The following TAFA2 variants were observed in gnomAD, a reference collection of about 807,000 sequenced individuals.
TAFA2 encodes TAFA chemokine like family member 2.
TAFA2 carries 7 observed loss-of-function variants against 18.8 expected under a neutral mutation model. The ratio of observed to expected loss-of-function variants is 0.37; its 90% confidence interval spans 0.21 to 0.70. The LOEUF is 0.70. TAFA2 is among the 30% of genes least tolerant of loss of function. TAFA2 has a pLI of 0.53. For synonymous variants in TAFA2, 60 were observed against 54.2 expected (o/e 1.11, Z -0.47); for missense variants, 122 against 158.1 (o/e 0.77, Z 1.23).
At chr12:61,864,217 G>A (rs1385693120) in intron 2 of TAFA2, among the ~76,000 whole-genome samples, 2 of 151,844 alleles carry the variant, frequency 1.3e-5, no homozygotes, top group African/African-American at 4.8e-5. Context: ...ATGAACATCA[G>A]CTCACAAAAT....
At chr12:61,847,537 C>T (rs186586691) in intron 2 of TAFA2, among the ~76,000 whole-genome samples, 171 of 152,130 alleles carry the variant, frequency 1.1e-3, no homozygotes, top group African/African-American at 3.9e-3. Context: ...ATGAAAAATG[C>T]GTGAGAGAAT....
chr12:62,148,121 C>A (rs2062300771), intron 1 of TAFA2, among the ~76,000 whole-genome samples: 2 of 152,100 alleles, frequency 1.3e-5, no homozygotes, highest in Admixed American at 1.3e-4. Context: ...GGTGGGAATG[C>A]AAATTATTAA....
At position 62,140,800 on chromosome 12, in the gene TAFA2, A is replaced by G. The variant is rs78359223; in HGVS notation, c.-2+50459T>C. On this transcript the variant is annotated intron_variant, in intron 1 of 4. Transcript: ENST00000416284. ...ATCAGAAGTAGGTTTTATGTCCTAT[A>G]GGAACAGGGAAATACAAGAGACTAG... 5.4e-3 allele frequency among the ~76,000 whole-genome samples: 815 copies of G among 152,288 alleles called. 10 individuals carry two copies. The highest frequency in any genetic ancestry group is 0.017 in the African/African-American group (706 of 41,564).
chr12:61,796,232 C>A (rs1475600888), intron 2 of TAFA2, among the ~76,000 whole-genome samples: 1 of 152,000 alleles, frequency 6.6e-6, no homozygotes, highest in Non-Finnish European at 1.5e-5. Context: ...ATAGATAGAT[C>A]TACATGCACA....
At chr12:61,767,640 T>C (rs772073214) in intron 2 of TAFA2, among the ~76,000 whole-genome samples, 1 of 152,118 alleles carries the variant, frequency 6.6e-6, no homozygotes, top group Non-Finnish European at 1.5e-5. Context: ...TTCCCAGTGA[T>C]TGACATGAAA....
intron 1 of TAFA2, among the ~76,000 whole-genome samples, chr12:62,175,889 T>C (rs1327202470): frequency 2.0e-5 from 3 of 149,800 alleles, no homozygotes; most frequent in African/African-American, 7.4e-5. Context: ...TATATTAAAT[T>C]ACAAGAAAAT....
chr12:62,065,703 G>A (rs1882467125), intron 1 of TAFA2, among the ~76,000 whole-genome samples: 1 of 150,556 alleles, frequency 6.6e-6, no homozygotes, highest in African/African-American at 2.4e-5. Context: ...TAAAAATTCT[G>A]TGTGTGTGTG....
intron 1 of TAFA2, among the ~76,000 whole-genome samples, chr12:62,081,819 T>G (rs968454888): frequency 6.6e-6 from 1 of 152,136 alleles, no homozygotes; most frequent in African/African-American, 2.4e-5. Flanking sequence ...GGAGTACATG[T>G]GCAGGATGTG....
intron 4 of TAFA2, among the ~76,000 whole-genome samples, chr12:61,726,052 G>T (rs61940884): frequency 1.3e-5 from 2 of 150,916 alleles, no homozygotes; most frequent in Non-Finnish European, 3.0e-5. Flanking sequence ...CAAGTCACAC[G>T]TGGGGAAATA....
chr12:61,981,619 A>G (rs945755270), intron 1 of TAFA2, among the ~76,000 whole-genome samples: 5 of 152,214 alleles, frequency 3.3e-5, no homozygotes, highest in Admixed American at 1.3e-4. Context: ...ACAAGAAAAA[A>G]CAAACAGTCC....
At chr12:61,802,232 T>TCC (rs1220503801) in intron 2 of TAFA2, among the ~76,000 whole-genome samples, 2 of 152,018 alleles carry the variant, frequency 1.3e-5, no homozygotes, top group African/African-American at 4.8e-5. Flanking sequence ...AGAGCTACCA[T>TCC]ATGATCCAGC....
chr12:62,247,603 A>G (rs1041617744), intron 1 of TAFA2, among the ~76,000 whole-genome samples: 6 of 152,128 alleles, frequency 3.9e-5, no homozygotes, highest in Non-Finnish European at 7.4e-5. Flanking sequence ...CTACACAACA[A>G]TTTTCTAGAT....
chr12:62,002,007 A>G (rs1880392860), intron 1 of TAFA2, among the ~76,000 whole-genome samples: 2 of 152,124 alleles, frequency 1.3e-5, no homozygotes, highest in African/African-American at 2.4e-5. Context: ...TTTGATCACC[A>G]ACCTGGAGGA....
intron 1 of TAFA2, among the ~76,000 whole-genome samples, chr12:61,974,034 G>T (rs1256677765): frequency 6.6e-6 from 1 of 151,664 alleles, no homozygotes; most frequent in African/African-American, 2.4e-5. Context: ...GTTATGTAAA[G>T]GTAATGACAC....
chr12:62,003,797 A>G (rs1880457748), intron 1 of TAFA2, among the ~76,000 whole-genome samples: 1 of 152,246 alleles, frequency 6.6e-6, no homozygotes, highest in South Asian at 2.1e-4. Flanking sequence ...TGTACAATAA[A>G]TATGTTTACA....
chr12:61,915,047 G>C (rs1034961111), intron 1 of TAFA2, among the ~76,000 whole-genome samples: 16 of 152,132 alleles, frequency 1.1e-4, no homozygotes, highest in African/African-American at 3.9e-4. Context: ...TGTAATCCTA[G>C]CTACCCAGGA....
chr12:62,050,850 C>T (rs981123391), intron 1 of TAFA2, among the ~76,000 whole-genome samples: 1 of 152,156 alleles, frequency 6.6e-6, no homozygotes, highest in Non-Finnish European at 1.5e-5. Context: ...TAGGAACTGG[C>T]AAACACTATA....
chr12:61,835,538 C>CTAGG (rs981875574), intron 2 of TAFA2, among the ~76,000 whole-genome samples: 1 of 151,920 alleles, frequency 6.6e-6, no homozygotes, highest in Non-Finnish European at 1.5e-5. Context: ...TTTGGGAAGA[C>CTAGG]TAGGGTTTTT....
intron 1 of TAFA2, among the ~76,000 whole-genome samples, chr12:62,050,447 C>T (rs1469403510): frequency 6.6e-6 from 1 of 151,870 alleles, no homozygotes; most frequent in Non-Finnish European, 1.5e-5. Flanking sequence ...TGGCAGGCAC[C>T]TATAGTCACA....
Sources: allele counts gnomAD v4.1 joint callset (sites outside exome capture counted in the v4.1 genomes callset), GRCh38; gene constraint gnomAD v4.1.1; transcripts MANE v1.5; gene names NCBI Gene and HGNC (gene_info 2026-07-23, HGNC 2026-07-21).